The following ELOVL2 variants were observed in gnomAD, a reference collection of about 807,000 sequenced individuals.
ELOVL2 encodes the protein very long chain fatty acid elongase 2.
In ELOVL2, 38 loss-of-function variants were observed where a neutral mutation model predicts 37.7. The observed-to-expected ratio is 1.01, with a 90% CI of 0.78 to 1.32. ELOVL2 has a LOEUF of 1.32. ELOVL2 is among the 40% of genes most tolerant of loss of function. The pLI is 0.00. For missense variants in ELOVL2, 352 were observed against 363.6 expected (o/e 0.97, Z 0.26); for synonymous variants, 115 against 122.3 (o/e 0.94, Z 0.40).
chr6:11,004,649 A>AAT lies in ELOVL2; in HGVS notation c.255+721_255+722dup, dbSNP rs370433099. Among the ~76,000 whole-genome samples the AAT allele has an allele frequency of 5.1e-4, 78 of 152,154 alleles. No individual in the cohort carries two copies. In the East Asian group the frequency reaches 0.012, roughly 23 times the overall value. On this transcript the variant is annotated intron_variant, in intron 3 of 7. Transcript: ENST00000354666. Reference sequence around the variant, plus strand: ...AGACATACAGAGTATTCTTTAAGGGAATATATATATTGGCATTTCAGTCAA... The same window carrying AAT: ...AGACATACAGAGTATTCTTTAAGGGAATATATATATATTGGCATTTCAGTCAA...
At chr6:11,013,241 T>C (rs572716617) in intron 1 of ELOVL2, among the ~76,000 whole-genome samples, 1 of 152,266 alleles carries the variant, frequency 6.6e-6, no homozygotes, top group East Asian at 1.9e-4. Flanking sequence ...TTACTTAATA[T>C]AGTTAGTAAG....
chr6:10,998,959 T>C (rs1187897770), intron 4 of ELOVL2, among the ~76,000 whole-genome samples: 1 of 152,218 alleles, frequency 6.6e-6, no homozygotes, highest in Non-Finnish European at 1.5e-5. Context: ...TCTCTTTTTT[T>C]CCATGTTTCA....
At chr6:11,020,347 ATTATT>A (rs1178326135) in intron 1 of ELOVL2, among the ~76,000 whole-genome samples, 4 of 152,238 alleles carry the variant, frequency 2.6e-5, no homozygotes, top group South Asian at 2.1e-4. Flanking sequence ...TCAAATACTT[ATTATT>A]TTATATTGAT....
chr6:10,990,526 T>C (rs1193291264), intron 5 of ELOVL2, 84 bp from the exon 6 acceptor site: 13 of 1,344,558 alleles, frequency 9.7e-6, no homozygotes, highest in Non-Finnish European at 1.3e-5. Context: ...TCTCTCTGCA[T>C]GGTAATTGAA....
chr6:11,042,767 T>G (rs943043527), intron 1 of ELOVL2, among the ~76,000 whole-genome samples: 2 of 152,036 alleles, frequency 1.3e-5, no homozygotes, highest in African/African-American at 4.8e-5. Flanking sequence ...CTCTCATCAT[T>G]ACAAATGTCA....
rs757950376 is a variant in ELOVL2, at chr6:10,995,006, CT to C, written c.505del (p.Ser169ValfsTer7). ...ACGGAAAAATTAACAAAATAACTTA[CT>C]TTGTCCACAAGGTATCCAGTTCAAG... ...CVLNWIPCGQ[S>X]FFGPTLNSFI... On this transcript the variant is annotated frameshift_variant and splice_region_variant, in exon 5 of 8. Transcript: ENST00000354666. LOFTEE classifies it high-confidence loss of function. The C allele has an allele frequency of 6.3e-7, 1 of 1,582,066 alleles. No homozygotes were observed. The highest frequency in any genetic ancestry group is 1.2e-5 in the South Asian group (1 of 85,604).
intron 1 of ELOVL2, among the ~76,000 whole-genome samples, chr6:11,012,028 A>T (rs1782592973): frequency 6.6e-6 from 1 of 152,220 alleles, no homozygotes; most frequent in Non-Finnish European, 1.5e-5. Flanking sequence ...ACAGATGATT[A>T]ATTTGCTGGC....
intron 2 of ELOVL2, among the ~76,000 whole-genome samples, chr6:11,006,187 C>T (rs1484865518): frequency 6.6e-6 from 1 of 152,212 alleles, no homozygotes; most frequent in Admixed American, 6.5e-5. Flanking sequence ...GTGCAGCAAG[C>T]CTGGAGGCTG....
At chr6:10,996,935 A>C (rs1264526471) in intron 4 of ELOVL2, among the ~76,000 whole-genome samples, 1 of 152,132 alleles carries the variant, frequency 6.6e-6, no homozygotes, top group East Asian at 1.9e-4. Context: ...GCTTGAACCC[A>C]GGAGGCAGAG....
intron 7 of ELOVL2, among the ~76,000 whole-genome samples, chr6:10,988,805 T>C (rs1159175815): frequency 6.6e-6 from 1 of 152,220 alleles, no homozygotes; most frequent in African/African-American, 2.4e-5. Flanking sequence ...CTTTCATCCG[T>C]TCTTGTACAA....
Position 11,044,214 on chromosome 6 carries a change from G to T in ELOVL2, c.3+14C>A. 6.9e-7 allele frequency: 1 copy of T among 1,443,124 alleles called. No individual in the cohort carries two copies. The highest frequency in any genetic ancestry group is 9.1e-7 in the Non-Finnish European group (1 of 1,096,324). 89.4% of individuals were successfully genotyped at this position (1,443,124 alleles called of 1,614,324 possible). On this transcript the variant is annotated intron_variant, in intron 1 of 7. Coordinates refer to ENST00000354666, the MANE Select transcript of ELOVL2 (RefSeq NM_017770.4). The surrounding 1 kb of genome is among the most constrained non-coding windows in gnomAD (Gnocchi z 5.6). ...AGCGCGGCGGTGTCGGTGGCGGCGC[G>T]CGGCCCCACTCACCATGATCCGCAG...
At chr6:11,004,495 T>C (rs548396613) in intron 3 of ELOVL2, among the ~76,000 whole-genome samples, 54 of 152,080 alleles carry the variant, frequency 3.6e-4, no homozygotes, top group African/African-American at 1.2e-3. Flanking sequence ...ACCTTGGTTG[T>C]ACAGATGGGG....
At chr6:11,011,115 A>G (rs1040124122) in intron 1 of ELOVL2, among the ~76,000 whole-genome samples, 6 of 152,180 alleles carry the variant, frequency 3.9e-5, no homozygotes, top group Non-Finnish European at 5.9e-5. Context: ...CTGTAATCGC[A>G]GCACTTTGGG....
chr6:10,995,362 T>TAGTG (rs138162676), intron 4 of ELOVL2, among the ~76,000 whole-genome samples, 184 bp from the exon 5 acceptor site: 26,607 of 152,162 alleles, frequency 0.17, 2,913 homozygotes, highest in Middle Eastern at 0.3. Context: ...CACCCACCTC[T>TAGTG]AGTGAGAGAT....
intron 7 of ELOVL2, among the ~76,000 whole-genome samples, chr6:10,986,211 C>T (rs1200790905): frequency 6.6e-6 from 1 of 152,180 alleles, no homozygotes; most frequent in African/African-American, 2.4e-5. Context: ...TATCCTGAGA[C>T]TTTGCTGAAG....
At chr6:11,025,663 A>C (rs984693210) in intron 1 of ELOVL2, among the ~76,000 whole-genome samples, 1 of 152,250 alleles carries the variant, frequency 6.6e-6, no homozygotes, top group Non-Finnish European at 1.5e-5. Context: ...CAAATACTTT[A>C]AGAGATTACC....
At chr6:11,032,219 T>C (rs1209842939) in intron 1 of ELOVL2, among the ~76,000 whole-genome samples, 2 of 152,060 alleles carry the variant, frequency 1.3e-5, no homozygotes, top group East Asian at 1.9e-4. Flanking sequence ...GTCTTACCTA[T>C]GAAAGAACTT....
chr6:11,001,187 T>A (rs1442336368), intron 3 of ELOVL2, among the ~76,000 whole-genome samples: 2 of 152,242 alleles, frequency 1.3e-5, no homozygotes, highest in Non-Finnish European at 2.9e-5. Context: ...GATTACTAAA[T>A]AACATTTAGA....
At chr6:11,010,856 T>C (rs1782562881) in intron 1 of ELOVL2, 47 bp from the exon 2 acceptor site, 4 of 1,487,736 alleles carry the variant, frequency 2.7e-6, no homozygotes, top group African/African-American at 1.4e-5. Context: ...TTCTTCTTTT[T>C]TTGAAACGGT....
Sources: gnomAD v4.1 joint callset for allele counts (sites outside exome capture counted in the v4.1 genomes callset) on GRCh38, gnomAD v4.1.1 for gene constraint, Gnocchi (gnomAD v3.1) non-coding constraint, MANE v1.5 for transcripts, NCBI Gene and HGNC (gene_info 2026-07-23, HGNC 2026-07-21) for gene names.